PDZRN4: variants seen among roughly 807,000 people sequenced by gnomAD.
The protein encoded by PDZRN4 is PDZ domain-containing RING finger protein 4.
In PDZRN4, 70 loss-of-function variants were observed where a neutral mutation model predicts 99.0. That is an observed-to-expected ratio of 0.71 (90% CI 0.58 to 0.86). The LOEUF (loss-of-function observed/expected upper bound fraction) is 0.86, where lower values mean the gene tolerates loss of function less well. PDZRN4 is among the 40% of genes least tolerant of loss of function. PDZRN4 has a pLI of 0.00. For synonymous variants in PDZRN4, 551 were observed against 501.6 expected (o/e 1.10, Z -1.32); for missense variants, 1,474 against 1,331.2 (o/e 1.11, Z -1.67).
intron 3 of PDZRN4, among the ~76,000 whole-genome samples, chr12:41,283,919 A>G (rs911707151): frequency 6.6e-6 from 1 of 152,190 alleles, no homozygotes; most frequent in African/African-American, 2.4e-5. Flanking sequence ...AATGGGCAAA[A>G]ACTGGAAGCA....
intron 3 of PDZRN4, among the ~76,000 whole-genome samples, chr12:41,378,803 G>A (rs951464938): frequency 2.6e-5 from 4 of 152,260 alleles, no homozygotes; most frequent in South Asian, 2.1e-4. Flanking sequence ...GATTACAGGC[G>A]TGAGCCACAG....
At chr12:41,366,719 C>T (rs79928761) in intron 3 of PDZRN4, among the ~76,000 whole-genome samples, 9,980 of 152,046 alleles carry the variant, frequency 0.066, 817 homozygotes, top group East Asian at 0.18. Context: ...CTACATAAGG[C>T]AATAGATCCT....
At chr12:41,219,441 G>A (rs1050856250) in intron 3 of PDZRN4, among the ~76,000 whole-genome samples, 18 of 151,952 alleles carry the variant, frequency 1.2e-4, no homozygotes, top group African/African-American at 4.4e-4. Flanking sequence ...GGAGATGAAG[G>A]AGAAAGAATA....
intron 3 of PDZRN4, among the ~76,000 whole-genome samples, chr12:41,257,838 G>C (rs1951213735): frequency 6.6e-6 from 1 of 152,040 alleles, no homozygotes; most frequent in Non-Finnish European, 1.5e-5. Context: ...GTCTTCCTAT[G>C]AGTGGGACAA....
At chr12:41,440,186 C>T (rs1952666364) in intron 3 of PDZRN4, among the ~76,000 whole-genome samples, 1 of 152,130 alleles carries the variant, frequency 6.6e-6, no homozygotes, top group Non-Finnish European at 1.5e-5. Context: ...CATACACTAA[C>T]ACCTGATTGC....
chr12:41,376,186 A>G (rs1952078180), intron 3 of PDZRN4, among the ~76,000 whole-genome samples: 1 of 152,142 alleles, frequency 6.6e-6, no homozygotes, highest in Non-Finnish European at 1.5e-5. Context: ...TGAACTGAAC[A>G]TGGGAGTGCT....
At chr12:41,214,031 A>T (rs1350681424) in intron 3 of PDZRN4, among the ~76,000 whole-genome samples, 5 of 152,032 alleles carry the variant, frequency 3.3e-5, no homozygotes, top group Non-Finnish European at 5.9e-5. Flanking sequence ...ATTTTGTTAA[A>T]TTATTAAAAC....
intron 3 of PDZRN4, chr12:41,412,491 T>C (rs972004588): frequency 2.0e-5 from 3 of 152,160 alleles, no homozygotes; most frequent in Non-Finnish European, 4.4e-5. Context: ...GAGTTCTCTT[T>C]CTTTGGAAGG....
chr12:41,548,744 A>T (rs1450376296), intron 5 of PDZRN4, among the ~76,000 whole-genome samples: 2 of 152,300 alleles, frequency 1.3e-5, no homozygotes, highest in African/African-American at 4.8e-5. Flanking sequence ...TTCTATCTAG[A>T]AAGCATTTTT....
chr12:41,422,730 A>G (rs892092909), intron 3 of PDZRN4, among the ~76,000 whole-genome samples: 8 of 152,152 alleles, frequency 5.3e-5, no homozygotes, highest in Non-Finnish European at 8.8e-5. Context: ...CTCCCTCGAC[A>G]TGTGGGGATT....
chr12:41,470,328 A>T, intron 3 of PDZRN4, among the ~76,000 whole-genome samples: 1 of 152,160 alleles, frequency 6.6e-6, no homozygotes, highest in East Asian at 1.9e-4. Context: ...AAAAAAAATT[A>T]ACTTGGTATT....
At chr12:41,555,072 A>C (rs1326764077) in intron 6 of PDZRN4, among the ~76,000 whole-genome samples, 1 of 128,784 alleles carries the variant, frequency 7.8e-6, no homozygotes, top group Non-Finnish European at 1.6e-5. Context: ...AAAAAAAAAA[A>C]AAAAAAAAAT....
At chr12:41,327,508 C>T (rs1452877515) in intron 3 of PDZRN4, among the ~76,000 whole-genome samples, 4 of 152,162 alleles carry the variant, frequency 2.6e-5, no homozygotes, top group African/African-American at 7.2e-5. Context: ...TAGCTGTGAA[C>T]GTCAATCAAC....
At chr12:41,330,536 T>C (rs1365221384) in intron 3 of PDZRN4, among the ~76,000 whole-genome samples, 1 of 151,154 alleles carries the variant, frequency 6.6e-6, no homozygotes, top group Non-Finnish European at 1.5e-5. Flanking sequence ...TTCCTAATAG[T>C]ACCTATTCCA....
At chr12:41,521,331 C>A (rs1028726596) in intron 5 of PDZRN4, among the ~76,000 whole-genome samples, 7 of 152,012 alleles carry the variant, frequency 4.6e-5, no homozygotes, top group African/African-American at 1.7e-4. Flanking sequence ...GTCCCAGATT[C>A]TTCTCAGTAG....
At chr12:41,474,044 C>T (rs1012782497) in intron 3 of PDZRN4, among the ~76,000 whole-genome samples, 1 of 152,182 alleles carries the variant, frequency 6.6e-6, no homozygotes, top group South Asian at 2.1e-4. Flanking sequence ...AAGAACAGCA[C>T]AGAGGTGCCT....
chr12:41,303,609 T>C (rs1211491402), intron 3 of PDZRN4, among the ~76,000 whole-genome samples: 1 of 152,148 alleles, frequency 6.6e-6, no homozygotes, highest in African/African-American at 2.4e-5. Flanking sequence ...TATTTAAATG[T>C]TGGAGGAGCT....
chr12:41,230,298 C>A (rs545162732), intron 3 of PDZRN4, among the ~76,000 whole-genome samples: 1 of 151,930 alleles, frequency 6.6e-6, no homozygotes, highest in Non-Finnish European at 1.5e-5. Flanking sequence ...TCCATGATTG[C>A]CTCAGTTGCA....
Position 41,346,827 on chromosome 12 carries a change from A to G in PDZRN4, c.843+152639A>G, listed in dbSNP as rs547949573. On this transcript the variant is annotated intron_variant, in intron 3 of 9. Coordinates refer to ENST00000402685, the MANE Select transcript of PDZRN4 (RefSeq NM_001164595.2). ...TTAGCTGTCATTCTCCATTCCTCTA[A>G]CCTCTCACTAATATACATTTTGTCT... Among the ~76,000 whole-genome samples, 15 of 152,024 alleles carry G rather than the reference A, an allele frequency of 9.9e-5. 1 individual carries two copies. The South Asian group carries it at 2.9e-3, about 29-fold the overall frequency.
Sources: gnomAD v4.1 joint callset for allele counts (sites outside exome capture counted in the v4.1 genomes callset) on GRCh38, gnomAD v4.1.1 for gene constraint, MANE v1.5 for transcripts, NCBI Gene and HGNC (gene_info 2026-07-23, HGNC 2026-07-21) for gene names.